The following DPY19L1 variants were observed in gnomAD, a reference collection of about 807,000 sequenced individuals.
DPY19L1 encodes dpy-19 like C-mannosyltransferase 1.
In DPY19L1, 35 loss-of-function variants were observed where a neutral mutation model predicts 96.9. That is an observed-to-expected ratio of 0.36 (90% CI 0.28 to 0.48). The LOEUF (loss-of-function observed/expected upper bound fraction) is 0.48. Ranked by LOEUF, DPY19L1 falls within the 20% of genes least tolerant of loss-of-function variation. The pLI, the probability that DPY19L1 is intolerant of heterozygous loss-of-function variation, is 0.99. For synonymous variants in DPY19L1, 205 were observed against 252.6 expected, an observed-to-expected ratio of 0.81 and a Z score of 1.79; for missense variants, 521 against 777.9, an observed-to-expected ratio of 0.67 and a Z score of 3.93.
In DPY19L1 at chr7:34,929,436, A is replaced by G. The variant is rs1322756528; in HGVS notation, c.*2137T>C. The stretch of plus-strand genomic sequence containing the variant: ...ATCCTTCTGGAAAAAGCTAATTTAT[A>G]TTACTTTTAATGGTTCCCAGCAAAT... On this transcript the variant is annotated 3_prime_UTR_variant, in exon 22 of 22. Transcript: ENST00000638088. The G allele has an allele frequency of 1.3e-5, 2 of 152,204 alleles. No individual in the cohort carries two copies. Among genetic ancestry groups the G allele is most frequent in the East Asian group, 3.8e-4 (2 of 5,198 alleles). The allele number at this position is 152,204 out of a possible 1,614,324, so 9.4% of individuals were successfully genotyped here.
At chr7:35,006,809 T>C (rs1035726276) in intron 6 of DPY19L1, among the ~76,000 whole-genome samples, 22 of 152,314 alleles carry the variant, frequency 1.4e-4, no homozygotes, top group African/African-American at 5.3e-4. Flanking sequence ...TCTGGCGAAA[T>C]GGACTGGCTT....
chr7:34,951,601 G>A (rs1784267478), intron 13 of DPY19L1, among the ~76,000 whole-genome samples: 1 of 151,846 alleles, frequency 6.6e-6, no homozygotes, highest in Admixed American at 6.6e-5. Flanking sequence ...CAGAAAATAA[G>A]AGAGGTAAAA....
intron 4 of DPY19L1, 110 bp from the exon 5 acceptor site, chr7:35,011,560 T>C (rs1785712810): frequency 2.0e-6 from 2 of 1,005,806 alleles, no homozygotes; most frequent in Non-Finnish European, 2.9e-6. Context: ...TTCCATACCA[T>C]CCACTTGGCT....
At chr7:34,960,842 T>A (rs1443762144) in intron 10 of DPY19L1, among the ~76,000 whole-genome samples, 1 of 152,178 alleles carries the variant, frequency 6.6e-6, no homozygotes, top group African/African-American at 2.4e-5. Flanking sequence ...TATACCTTTA[T>A]AATATCAAAG....
chr7:35,010,161 C>A (rs144603927), intron 6 of DPY19L1, among the ~76,000 whole-genome samples: 56 of 152,014 alleles, frequency 3.7e-4, no homozygotes, highest in African/African-American at 1.3e-3. Context: ...ACCCAGGAGG[C>A]GGAGGTTGCA....
chr7:34,952,962 C>T (rs1784299799), intron 13 of DPY19L1, among the ~76,000 whole-genome samples: 1 of 152,112 alleles, frequency 6.6e-6, no homozygotes, highest in Non-Finnish European at 1.5e-5. Context: ...TGCTCCCATC[C>T]ACCTCAGCAC....
intron 3 of DPY19L1, among the ~76,000 whole-genome samples, chr7:35,014,505 T>A (rs1302342460): frequency 1.1e-4 from 16 of 152,252 alleles, no homozygotes; most frequent in Middle Eastern, 3.4e-3. Context: ...GCATCTTCAG[T>A]TTTCCCTGGA....
chr7:34,986,412 T>C (rs1447178161), intron 7 of DPY19L1, among the ~76,000 whole-genome samples: 1 of 152,054 alleles, frequency 6.6e-6, no homozygotes, highest in Non-Finnish European at 1.5e-5. Context: ...CCCACTAATA[T>C]CTACAATTAT....
At chr7:34,998,725 C>A (rs1447122997) in intron 6 of DPY19L1, among the ~76,000 whole-genome samples, 1 of 152,192 alleles carries the variant, frequency 6.6e-6, no homozygotes, top group African/African-American at 2.4e-5. Context: ...TCAGTTAAGA[C>A]CCATCCACTT....
chr7:34,972,630 T>C (rs1186344124), intron 8 of DPY19L1, among the ~76,000 whole-genome samples: 3 of 152,122 alleles, frequency 2.0e-5, no homozygotes, highest in Non-Finnish European at 1.5e-5. Flanking sequence ...ACAGAGATGT[T>C]TGAGAAGGGA....
intron 8 of DPY19L1, among the ~76,000 whole-genome samples, chr7:34,972,430 A>G (rs1426637317): frequency 2.0e-5 from 3 of 152,170 alleles, no homozygotes; most frequent in Non-Finnish European, 2.9e-5. Flanking sequence ...TGAGTGAAAG[A>G]AGAATCAAAG....
At chr7:34,962,757 G>A (rs1177706543) in intron 10 of DPY19L1, among the ~76,000 whole-genome samples, 6 of 152,162 alleles carry the variant, frequency 3.9e-5, no homozygotes, top group East Asian at 3.9e-4. Context: ...CGTAAACTAC[G>A]GACTTTGGGT....
intron 21 of DPY19L1, among the ~76,000 whole-genome samples, chr7:34,933,365 T>G (rs759988563): frequency 6.6e-6 from 1 of 152,242 alleles, no homozygotes. Context: ...TTCCCACTTA[T>G]AAGTGAGAAC....
chr7:35,025,114 G>C (rs1786091496), intron 1 of DPY19L1, among the ~76,000 whole-genome samples: 1 of 152,168 alleles, frequency 6.6e-6, no homozygotes, highest in Non-Finnish European at 1.5e-5. Flanking sequence ...CCCAGTTTCT[G>C]TATAGCGAAC....
rs115088870 is a variant in DPY19L1 at position 34,971,749 on chromosome 7, A to G, written c.914+1765T>C. 4.6e-3 allele frequency among the ~76,000 whole-genome samples: 703 copies of G among 152,334 alleles called. 10 individuals are homozygous for G. Among genetic ancestry groups the G allele is most frequent in the African/African-American group, 0.016 (646 of 41,580 alleles). The stretch of plus-strand genomic sequence containing the variant: ...TTGTCACAGAAGCACCTGGAGCCAA[A>G]AACAGAGAAGAACCCAACAGAAGGC... On this transcript the variant is annotated intron_variant, in intron 8 of 21. Coordinates refer to ENST00000638088, the MANE Select transcript of DPY19L1 (RefSeq NM_001366673.1).
chr7:34,932,474 T>G (rs1423761166), intron 21 of DPY19L1, among the ~76,000 whole-genome samples: 2 of 152,202 alleles, frequency 1.3e-5, no homozygotes, highest in Non-Finnish European at 2.9e-5. Flanking sequence ...ACAGAATGGT[T>G]GTATGGGTAT....
At position 34,947,564 on chromosome 7, in the gene DPY19L1, G is replaced by A; in HGVS notation, c.1494+66C>T. 4 of 1,386,700 alleles carry A rather than the reference G, an allele frequency of 2.9e-6. No individual in the cohort carries two copies. The South Asian group carries it at 5.0e-5, about 17-fold the overall frequency. 85.9% of individuals were successfully genotyped at this position (1,386,700 alleles called of 1,614,324 possible). A position where few individuals can be genotyped will look rare whatever the true frequency, so the allele number is the denominator to read the frequency against. On this transcript the variant is annotated intron_variant, in intron 15 of 21. Transcript: ENST00000638088. Reference sequence around the variant, plus strand: ...ATCAGATAAATGTGGCCAAGTATATGCGACTACTATGTAAAAACAAGAAAA... The same window carrying A: ...ATCAGATAAATGTGGCCAAGTATATACGACTACTATGTAAAAACAAGAAAA...
intron 15 of DPY19L1, among the ~76,000 whole-genome samples, chr7:34,947,037 T>A (rs1371152618): frequency 6.6e-6 from 1 of 152,244 alleles, no homozygotes; most frequent in Non-Finnish European, 1.5e-5. Flanking sequence ...CAGATTAACT[T>A]CTGTTCATTC....
At chr7:34,951,591 C>A (rs965847443) in intron 13 of DPY19L1, among the ~76,000 whole-genome samples, 3 of 151,760 alleles carry the variant, frequency 2.0e-5, no homozygotes, top group African/African-American at 7.3e-5. Context: ...AAGCATTGAT[C>A]AGAAAATAAG....
Sources: allele counts gnomAD v4.1 joint callset (sites outside exome capture counted in the v4.1 genomes callset), GRCh38; gene constraint gnomAD v4.1.1; transcripts MANE v1.5; gene names NCBI Gene and HGNC (gene_info 2026-07-23, HGNC 2026-07-21).